The following ALG13 variants were observed in gnomAD, a reference collection of about 807,000 sequenced individuals.
ALG13 encodes the protein UDP-N-acetylglucosamine transferase subunit ALG13.
In ALG13, 11 loss-of-function variants were observed where a neutral mutation model predicts 87.8. That is an observed-to-expected ratio of 0.13 (90% CI 0.08 to 0.21). The LOEUF is 0.21. ALG13 is among the 10% of genes least tolerant of loss of function. The pLI is 1.00. For synonymous variants in ALG13, 320 were observed against 306.3 expected (o/e 1.04, Z -0.47); for missense variants, 756 against 866.1 (o/e 0.87, Z 1.60).
In ALG13 at chrX:111,724,953, A is replaced by G; in HGVS notation, c.1621A>G (p.Asn541Asp). ...TTTAAGGCATGTTGTTCCACTGGCT[A>G]ACTTAAAACCAGTTACCCAAGTGAT... ...LAEKHVVPLA[N>D]LKPVTQVMSV... Residue 541 changes from asparagine to aspartate, a missense_variant, in exon 15 of 27, where the codon AAC becomes GAC. Physicochemically the swap from Asn to Asp is conservative, Grantham distance 23. Coordinates refer to ENST00000394780, the MANE Select transcript of ALG13 (RefSeq NM_001099922.3). 8.3e-7 allele frequency: 1 copy of G among 1,210,828 alleles called. No homozygotes were observed. The highest frequency in any genetic ancestry group is 1.1e-6 in the Non-Finnish European group (1 of 894,773).
chrX:111,736,620 T>C, intron 22 of ALG13, 94 bp from the exon 23 acceptor site: 1 of 859,013 alleles, frequency 1.2e-6, no homozygotes. Flanking sequence ...TTTAGTTTTC[T>C]AAACTAATTA....
intron 21 of ALG13, among the ~76,000 whole-genome samples, chrX:111,733,818 A>G (rs780259684): frequency 6.6e-4 from 73 of 111,351 alleles, no homozygotes; most frequent in Non-Finnish European, 8.5e-4. Flanking sequence ...GCCAACATCT[A>G]TTTTTTGATA....
At chrX:111,758,932 T>C (rs1945504734) in intron 26 of ALG13, among the ~76,000 whole-genome samples, 2 of 111,426 alleles carry the variant, frequency 1.8e-5, no homozygotes. Context: ...TAAGAACTAA[T>C]TGGGACCTTA....
intron 20 of ALG13, 26 bp from the exon 21 acceptor site, chrX:111,730,498 AT>A (rs1305632177): frequency 2.5e-6 from 3 of 1,197,087 alleles, no homozygotes; most frequent in Admixed American, 4.5e-5. Context: ...AATAATGCTC[AT>A]TTTTTACTTT....
At chrX:111,682,804 A>T (rs991086867) in intron 2 of ALG13, among the ~76,000 whole-genome samples, 10 of 111,892 alleles carry the variant, frequency 8.9e-5, no homozygotes, top group Admixed American at 4.7e-4. Context: ...TGGAATTGTA[A>T]GATTGTTTAC....
intron 5 of ALG13, chrX:111,711,241 A>G (rs977346823): frequency 8.7e-6 from 1 of 115,057 alleles, no homozygotes; most frequent in African/African-American, 3.2e-5. Flanking sequence ...TGTTTCCGTC[A>G]CCCCTAAAAG....
At chrX:111,718,044 T>C in intron 9 of ALG13, 68 bp from the exon 10 acceptor site, 1 of 1,101,294 alleles carries the variant, frequency 9.1e-7, no homozygotes, top group Admixed American at 2.7e-5. Flanking sequence ...CGCAGGATTA[T>C]GACTATTTTC....
chrX:111,682,465 G>A (rs1156749958), intron 2 of ALG13, among the ~76,000 whole-genome samples, 171 bp downstream of exon 2: 1 of 111,982 alleles, frequency 8.9e-6, no homozygotes, highest in Non-Finnish European at 1.9e-5. Context: ...TTATCCTGAT[G>A]CTCTCCCTCC....
rs1039153155 is a variant in ALG13, at chrX:111,760,537, C to T, written c.*538C>T. The T allele has an allele frequency of 8.8e-6, 1 of 114,256 alleles. No homozygotes were observed. Among genetic ancestry groups the T allele is most frequent in the Non-Finnish European group, 1.8e-5 (1 of 54,421 alleles). The allele number at this position is 114,256 out of a possible 1,213,427, so 9.4% of individuals were successfully genotyped here. A position where few individuals can be genotyped will look rare whatever the true frequency, so the allele number is the denominator to read the frequency against. ...ATGGTTCTCTGCTTTAGATTTATCCCATATGCTATTGTTTAATACTGGATG... is the reference window on the plus strand; with the variant it reads ...ATGGTTCTCTGCTTTAGATTTATCCTATATGCTATTGTTTAATACTGGATG... On this transcript the variant is annotated 3_prime_UTR_variant, in exon 27 of 27. Coordinates refer to ENST00000394780, the MANE Select transcript of ALG13 (RefSeq NM_001099922.3).
chrX:111,725,509 C>G (rs1450291084), intron 15 of ALG13, among the ~76,000 whole-genome samples: 2 of 108,973 alleles, frequency 1.8e-5, no homozygotes, highest in African/African-American at 6.7e-5. Flanking sequence ...TTAATGGGTA[C>G]AAAAATAGGT....
chrX:111,724,641 C>T (rs1344678486), intron 14 of ALG13, among the ~76,000 whole-genome samples: 4 of 111,856 alleles, frequency 3.6e-5, no homozygotes, highest in African/African-American at 1.3e-4. Context: ...ATTCCCAAGC[C>T]TCATGTCAAT....
intron 23 of ALG13, among the ~76,000 whole-genome samples, chrX:111,737,370 C>T (rs961444780): frequency 8.9e-6 from 1 of 112,012 alleles, no homozygotes; most frequent in African/African-American, 3.2e-5. Context: ...AGCTTTTTAT[C>T]TGTGGCTTGG....
At chrX:111,735,554 G>A (rs1225408976) in intron 22 of ALG13, among the ~76,000 whole-genome samples, 1 of 111,478 alleles carries the variant, frequency 9.0e-6, no homozygotes, top group Non-Finnish European at 1.9e-5. Context: ...AGAGCCCATG[G>A]ATTATCAAAT....
intron 3 of ALG13, among the ~76,000 whole-genome samples, chrX:111,698,118 G>C (rs147515746): frequency 7.6e-4 from 85 of 112,224 alleles, no homozygotes; most frequent in African/African-American, 2.7e-3. Flanking sequence ...GCTTCTTATA[G>C]ATGACCGTAT....
intron 24 of ALG13, among the ~76,000 whole-genome samples, chrX:111,745,546 T>TC (rs1247218838): frequency 1.8e-5 from 2 of 110,724 alleles, no homozygotes; most frequent in Non-Finnish European, 3.8e-5. Context: ...CTTTTTTTTT[T>TC]CCAACCCCTA....
intron 3 of ALG13, among the ~76,000 whole-genome samples, chrX:111,687,187 C>T (rs755399833): frequency 4.5e-5 from 5 of 111,975 alleles, no homozygotes; most frequent in South Asian, 3.7e-4. Flanking sequence ...TTAGGTGATC[C>T]GCCTGCCTTG....
intron 22 of ALG13, 31 bp from the exon 23 acceptor site, chrX:111,736,683 A>C (rs1321693536): frequency 1.7e-6 from 2 of 1,185,371 alleles, no homozygotes; most frequent in Admixed American, 4.6e-5. Flanking sequence ...AACCAAACTT[A>C]AGAGTTTTGA....
intron 21 of ALG13, among the ~76,000 whole-genome samples, chrX:111,731,988 C>T (rs189079515): frequency 1.9e-4 from 21 of 111,592 alleles, no homozygotes; most frequent in Admixed American, 9.5e-4. Flanking sequence ...TTCATTCTTG[C>T]TGCGAGGTCG....
At position 111,686,136 on chromosome X, in the gene ALG13, G is replaced by A. The variant is rs772039609; in HGVS notation, c.383+1033G>A. The A allele has an allele frequency of 2.3e-4, 252 of 1,116,005 alleles. No individual in the cohort carries two copies. Among genetic ancestry groups the A allele is most frequent in the Non-Finnish European group, 6.5e-5 (55 of 851,785 alleles). 92.0% of individuals were successfully genotyped at this position (1,116,005 alleles called of 1,213,427 possible). On this transcript the variant is annotated intron_variant, in intron 3 of 26. Coordinates refer to ENST00000394780, the MANE Select transcript of ALG13 (RefSeq NM_001099922.3). ...AAAATTACTTGTTTGTTTTCTATTA[G>A]TTCTTCCTTGAGACACTAGAAGCTT...
Sources: allele counts gnomAD v4.1 joint callset (sites outside exome capture counted in the v4.1 genomes callset), GRCh38; gene constraint gnomAD v4.1.1; transcripts MANE v1.5; gene names NCBI Gene and HGNC (gene_info 2026-07-23, HGNC 2026-07-21).